OR7E24: variants seen among roughly 807,000 people sequenced by gnomAD.
OR7E24 encodes the protein olfactory receptor family 7 subfamily E member 24.
For synonymous variants in OR7E24, 130 were observed against 157.5 expected (o/e 0.83, Z 1.31); for missense variants, 385 against 410.3 (o/e 0.94, Z 0.53).
chr19:9,206,516 A>G, the OR7E24 span: 2 of 152,222 alleles, frequency 1.3e-5, no homozygotes, highest in Non-Finnish European at 2.9e-5. Flanking sequence ...TATCTAGGTG[A>G]AATCACAACC....
the OR7E24 span, among the ~76,000 whole-genome samples, chr19:9,232,767 GT>G: frequency 1.3e-5 from 2 of 152,040 alleles, no homozygotes; most frequent in African/African-American, 4.8e-5. Context: ...ATCCTTGTTT[GT>G]CTGTGTCCTT....
chr19:9,217,746 C>T, the OR7E24 span, among the ~76,000 whole-genome samples: 1 of 152,250 alleles, frequency 6.6e-6, no homozygotes, highest in South Asian at 2.1e-4. Context: ...ACCTTGTTAG[C>T]CAGGCTGGTC....
the OR7E24 span, chr19:9,212,420 T>A: frequency 6.6e-6 from 1 of 152,098 alleles, no homozygotes; most frequent in Non-Finnish European, 1.5e-5. Context: ...CAAATTAGGA[T>A]TAGTATGCAT....
At chr19:9,223,968 C>T in the OR7E24 span, among the ~76,000 whole-genome samples, 19 of 151,852 alleles carry the variant, frequency 1.3e-4, no homozygotes, top group African/African-American at 4.1e-4. Flanking sequence ...ATCGTGCCTC[C>T]GCCTCCCGAT....
At chr19:9,206,733 T>G in the OR7E24 span, 2 of 152,368 alleles carry the variant, frequency 1.3e-5, no homozygotes, top group African/African-American at 4.8e-5. Context: ...AGGGTGTTAA[T>G]TGAGGACTTA....
At chr19:9,226,924 C>CAAGT in the OR7E24 span, among the ~76,000 whole-genome samples, 1 of 152,108 alleles carries the variant, frequency 6.6e-6, no homozygotes, top group Admixed American at 6.6e-5. Context: ...CTCAGGGGTA[C>CAAGT]AAGTGCAGGT....
the OR7E24 span, among the ~76,000 whole-genome samples, chr19:9,234,044 C>T: frequency 1.3e-5 from 2 of 152,056 alleles, no homozygotes; most frequent in Admixed American, 6.6e-5. Context: ...GCTGGGACTA[C>T]AGGTGCGCAC....
chr19:9,250,799 G>A (rs1178763382), upstream of OR7E24: 25 of 335,462 alleles, frequency 7.5e-5, no homozygotes, highest in East Asian at 5.9e-4. Context: ...ATATTTTACC[G>A]TGATCATGGA....
At chr19:9,239,425 G>A in the OR7E24 span, among the ~76,000 whole-genome samples, 1 of 152,014 alleles carries the variant, frequency 6.6e-6, no homozygotes, top group South Asian at 2.1e-4. Flanking sequence ...ATCCACCTTG[G>A]CCTCCCAAAG....
At chr19:9,231,438 G>T in the OR7E24 span, among the ~76,000 whole-genome samples, 1 of 152,100 alleles carries the variant, frequency 6.6e-6, no homozygotes, top group Non-Finnish European at 1.5e-5. Flanking sequence ...AAATTAGCTG[G>T]GCATGGTGGC....
At chr19:9,236,127 G>C in the OR7E24 span, 1 of 1,010,260 alleles carries the variant, frequency 9.9e-7, no homozygotes, top group Non-Finnish European at 1.5e-6. Context: ...GGTCCCTTAA[G>C]CAAATGTGAA....
Position 9,251,171 on chromosome 19 carries a change from C to T in OR7E24, c.128C>T (p.Pro43Leu), listed in dbSNP as rs565579578. ...CTCTCAGAGGATCCAGAACTGCAGC[C>T]GGTCCTCGCTGGGCTGTTCCTGTCC... ...LGLSEDPELQ[P>L]VLAGLFLSMY... Residue 43 changes from proline to leucine, a missense_variant, in exon 1 of 1, where the codon CCG becomes CTG. Physicochemically the swap from Pro to Leu is moderately conservative, Grantham distance 98. Transcript: ENST00000456448. 10 of 1,613,900 alleles carry T rather than the reference C, an allele frequency of 6.2e-6. No homozygotes were observed. In the Admixed American group the frequency reaches 6.7e-5, roughly 11 times the overall value.
the OR7E24 span, among the ~76,000 whole-genome samples, chr19:9,225,590 A>G: frequency 6.6e-6 from 1 of 152,204 alleles, no homozygotes; most frequent in Non-Finnish European, 1.5e-5. Context: ...GACAGGCAGC[A>G]GCAGAGGCTG....
At chr19:9,227,955 G>A in the OR7E24 span, among the ~76,000 whole-genome samples, 2 of 150,614 alleles carry the variant, frequency 1.3e-5, no homozygotes, top group South Asian at 2.1e-4. Context: ...GGGTTTCACC[G>A]TTTTAGCCGG....
At chr19:9,234,747 A>G in the OR7E24 span, among the ~76,000 whole-genome samples, 1 of 152,206 alleles carries the variant, frequency 6.6e-6, no homozygotes, top group Non-Finnish European at 1.5e-5. Context: ...TAACTGTCAC[A>G]TCACCTGTGT....
chr19:9,211,902 A>G, the OR7E24 span: 1 of 152,086 alleles, frequency 6.6e-6, no homozygotes, highest in Admixed American at 6.6e-5. Flanking sequence ...AATTAAAAAA[A>G]AATCTGATGT....
chr19:9,211,293 G>T, the OR7E24 span: 1 of 152,242 alleles, frequency 6.6e-6, no homozygotes, highest in East Asian at 1.9e-4. Flanking sequence ...CGAGATGACT[G>T]CAACCCTGGC....
the OR7E24 span, chr19:9,235,039 A>T: frequency 1.8e-6 from 1 of 557,972 alleles, no homozygotes. Flanking sequence ...TGGCTGAGTG[A>T]ATCAGGATCT....
upstream of OR7E24, among the ~76,000 whole-genome samples, chr19:9,246,468 G>T (rs1014147597): frequency 1.0e-4 from 11 of 107,124 alleles, no homozygotes; most frequent in African/African-American, 2.4e-4. Context: ...TAAAGGTATT[G>T]TGTGTGTGTG....
Sources: gnomAD v4.1 joint callset for allele counts (sites outside exome capture counted in the v4.1 genomes callset) on GRCh38, gnomAD v4.1.1 for gene constraint, MANE v1.5 for transcripts, NCBI Gene and HGNC (gene_info 2026-07-23, HGNC 2026-07-21) for gene names.